The following DCAF4 variants were observed in gnomAD, a reference collection of about 807,000 sequenced individuals.
DCAF4 encodes DDB1- and CUL4-associated factor 4.
A neutral mutation model predicts 60.9 loss-of-function variants in DCAF4; 37 were observed. The observed-to-expected ratio is 0.61, with a 90% CI of 0.47 to 0.80. DCAF4 has a LOEUF of 0.80. DCAF4 is among the 30% of genes least tolerant of loss of function. DCAF4 has a pLI of 0.00. For missense variants in DCAF4, 577 were observed against 650.0 expected (o/e 0.89, Z 1.22); for synonymous variants, 243 against 254.8 (o/e 0.95, Z 0.44).
At chr14:72,959,907 G>A (rs1274349750), downstream of DCAF4, among the ~76,000 whole-genome samples, 4 of 152,224 alleles carry the variant, frequency 2.6e-5, no homozygotes, top group Non-Finnish European at 5.9e-5. Context: ...CAAGAGGAGA[G>A]GGAGTGGTTC....
chr14:72,957,759 A>G (rs887239317), intron 13 of DCAF4: 23 of 152,220 alleles, frequency 1.5e-4, no homozygotes, highest in African/African-American at 5.5e-4. Flanking sequence ...AGTGATCAGA[A>G]TCACAAATGT....
At chr14:72,939,734 C>T in intron 2 of DCAF4, 68 bp from the exon 3 acceptor site, 1 of 1,408,830 alleles carries the variant, frequency 7.1e-7, no homozygotes, top group Non-Finnish European at 9.7e-7. Flanking sequence ...GAATGGACTC[C>T]CTGCCCCCGT....
At chr14:72,927,501 A>G (rs1887761791) in intron 1 of DCAF4, among the ~76,000 whole-genome samples, 1 of 151,978 alleles carries the variant, frequency 6.6e-6, no homozygotes, top group East Asian at 1.9e-4. Context: ...ACAGGCGACC[A>G]CCACCTCGCC....
chr14:72,942,632 C>T (rs1890198575), intron 5 of DCAF4: 1 of 150,952 alleles, frequency 6.6e-6, no homozygotes, highest in Admixed American at 6.6e-5. Context: ...TCCCGGCAGC[C>T]GTATCCTGGG....
intron 3 of DCAF4, 58 bp downstream of exon 3, chr14:72,939,960 C>A (rs887936): frequency 5.5e-6 from 8 of 1,458,112 alleles, no homozygotes; most frequent in Non-Finnish European, 5.6e-6. Context: ...GGCTGAGACC[C>A]GTTCCTGGCT....
chr14:72,940,280 A>G lies in DCAF4; in HGVS notation c.254A>G (p.His85Arg), dbSNP rs1889849443. 3.7e-6 allele frequency: 6 copies of G among 1,614,222 alleles called. No homozygotes were observed. Among genetic ancestry groups the G allele is most frequent in the Non-Finnish European group, 5.1e-6 (6 of 1,180,048 alleles). The change falls in exon 4 of 14, where the codon CAT becomes CGT. Residue 85 changes from histidine (H) to arginine (R), a missense_variant. Transcript: ENST00000358377. ...KKRYFRLLPGHNNCNPLTKES... is the reference protein window; with the variant it reads ...KKRYFRLLPGRNNCNPLTKES... ...CGCTACTTCCGCTTGCTCCCTGGAC[A>G]TAACAACTGCAACCCCCTGACGAAA...
intron 13 of DCAF4, chr14:72,957,521 T>C (rs570566867): frequency 6.6e-6 from 1 of 152,374 alleles, no homozygotes; most frequent in East Asian, 1.9e-4. Context: ...ATTACTTTGT[T>C]AGGACATTCA....
At chr14:72,955,171 G>T (rs188081701) in intron 11 of DCAF4, among the ~76,000 whole-genome samples, 1 of 151,576 alleles carries the variant, frequency 6.6e-6, no homozygotes, top group African/African-American at 2.4e-5. Flanking sequence ...AGAAAATGCC[G>T]TCTTCCCTTA....
intron 1 of DCAF4, among the ~76,000 whole-genome samples, chr14:72,932,740 T>C (rs1003458190): frequency 9.2e-5 from 14 of 152,172 alleles, no homozygotes; most frequent in African/African-American, 3.4e-4. Flanking sequence ...GGTAACTCTT[T>C]TGTTGTTGTT....
Position 72,956,476 on chromosome 14 carries a change from G to C in DCAF4, c.1270G>C (p.Glu424Gln). ...CGCCTACCTGCCCCTGCATGTGCAC[G>C]AGGAAGAAGGAATCCTGGTGGCAGG... ...EYAYLPLHVH[E>Q]EEGILVAVGQ... The change falls in exon 13 of 14, where the codon GAG becomes CAG. Residue 424 changes from glutamate to glutamine, a missense_variant. Physicochemically the swap from Glu to Gln is conservative, Grantham distance 29 (BLOSUM62 2). Coordinates refer to ENST00000358377, the MANE Select transcript of DCAF4 (RefSeq NM_015604.4). 1 of 1,612,932 alleles carries C rather than the reference G, an allele frequency of 6.2e-7. No homozygotes were observed. Among genetic ancestry groups the C allele is most frequent in the Non-Finnish European group, 8.5e-7 (1 of 1,179,470 alleles).
intron 5 of DCAF4, 164 bp downstream of exon 5, chr14:72,941,988 C>A: frequency 1.5e-6 from 1 of 664,192 alleles, no homozygotes; most frequent in Non-Finnish European, 2.5e-6. Context: ...CTGCTTAAAC[C>A]CACCCTGAGA....
chr14:72,945,076 A>C (rs968700177), intron 6 of DCAF4, among the ~76,000 whole-genome samples: 59 of 151,490 alleles, frequency 3.9e-4, no homozygotes, highest in Non-Finnish European at 7.4e-5. Context: ...GCGACAGAGT[A>C]AGACTCCCTC....
intron 9 of DCAF4, 48 bp from the exon 10 acceptor site, chr14:72,954,116 C>T (rs773592960): frequency 1.9e-6 from 3 of 1,584,218 alleles, no homozygotes; most frequent in Non-Finnish European, 1.7e-6. Flanking sequence ...TGGTCCCTGG[C>T]CTGCCTAGAA....
chr14:72,947,000 C>A, intron 7 of DCAF4, 142 bp from the exon 8 acceptor site: 1 of 1,109,166 alleles, frequency 9.0e-7, no homozygotes, highest in Non-Finnish European at 1.3e-6. Flanking sequence ...AAGCCCCACC[C>A]TCAGAATGCT....
chr14:72,928,187 C>CTTTTTTTTTTTTCTTTTTTTT (rs1887909831), intron 1 of DCAF4, among the ~76,000 whole-genome samples: 1 of 67,256 alleles, frequency 1.5e-5, no homozygotes, highest in African/African-American at 6.6e-5. Flanking sequence ...AATCCCCCCA[C>CTTTTTTTTTTTTCTTTTTTTT]TTTTTTTTTT....
intron 2 of DCAF4, among the ~76,000 whole-genome samples, chr14:72,939,590 T>G (rs2140229131): frequency 6.6e-6 from 1 of 152,306 alleles, no homozygotes; most frequent in East Asian, 1.9e-4. Flanking sequence ...GTGACATCTG[T>G]CCTCTTTTAA....
chr14:72,958,259 C>CAAG (rs1158777743), intron 13 of DCAF4: 5 of 348,668 alleles, frequency 1.4e-5, no homozygotes, highest in Non-Finnish European at 2.7e-5. Flanking sequence ...GGCGACAGAG[C>CAAG]AAGACCCTGT....
chr14:72,947,470 G>T (rs189256002), intron 8 of DCAF4, among the ~76,000 whole-genome samples: 5 of 152,354 alleles, frequency 3.3e-5, no homozygotes, highest in Admixed American at 2.0e-4. Flanking sequence ...CATGCATGTG[G>T]TGGAGACAGA....
chr14:72,951,880 A>G lies in DCAF4; in HGVS notation c.808+3A>G, dbSNP rs745750640. ...ACTGTTCGTCAATAGTCACCCAGGT[A>G]CAGGGTTCTCCTCCTTTAAAGAAAT... On this transcript the variant is annotated splice_donor_region_variant and intron_variant, in intron 9 of 13. Transcript: ENST00000358377. 9 of 1,614,000 alleles carry G rather than the reference A, an allele frequency of 5.6e-6. No homozygotes were observed. The African/African-American group carries it at 6.7e-5, about 12-fold the overall frequency.
Sources: allele counts gnomAD v4.1 joint callset (sites outside exome capture counted in the v4.1 genomes callset), GRCh38; gene constraint gnomAD v4.1.1; transcripts MANE v1.5; gene names NCBI Gene and HGNC (gene_info 2026-07-23, HGNC 2026-07-21).